The following PRKCZ variants were observed in gnomAD, a reference collection of about 807,000 sequenced individuals.
The protein encoded by PRKCZ is protein kinase C zeta type.
Under a neutral mutation model 79.5 loss-of-function variants are expected in PRKCZ, and 33 were observed. The observed-to-expected ratio is 0.41, with a 90% confidence interval of 0.31 to 0.55. PRKCZ has a LOEUF of 0.55. PRKCZ is among the 20% of genes least tolerant of loss of function. The probability of loss-of-function intolerance (pLI) is 0.19; values close to 1 mark genes in which losing one functional copy is unlikely to be tolerated. For missense variants in PRKCZ, 578 were observed against 813.5 expected (o/e 0.71, Z 3.52); for synonymous variants, 342 against 320.9 (o/e 1.07, Z -0.70).
intron 16 of PRKCZ, among the ~76,000 whole-genome samples, chr1:2,179,591 T>C (rs2460001): frequency 0.47 from 72,020 of 152,200 alleles, 18,224 homozygotes; most frequent in African/African-American, 0.67. Flanking sequence ...GTGTCCCACA[T>C]GGCCGGGCGG....
intron 4 of PRKCZ, among the ~76,000 whole-genome samples, chr1:2,063,926 A>G (rs904477959): frequency 1.2e-4 from 18 of 149,780 alleles, no homozygotes; most frequent in Admixed American, 1.0e-3. Flanking sequence ...GCTCACTGCA[A>G]TCTCCGCCTC....
chr1:2,053,321 G>C (rs908235744), intron 1 of PRKCZ, among the ~76,000 whole-genome samples: 2 of 152,104 alleles, frequency 1.3e-5, no homozygotes, highest in Non-Finnish European at 2.9e-5. Context: ...GGCTGGTCTC[G>C]AACTTCTGAC....
intron 10 of PRKCZ, among the ~76,000 whole-genome samples, chr1:2,163,123 T>TGTCCTATTCC (rs1380456125): frequency 1.3e-5 from 2 of 152,210 alleles, no homozygotes; most frequent in African/African-American, 2.4e-5. Context: ...TGGGGTGACG[T>TGTCCTATTCC]TGACACTGGA....
At chr1:2,090,943 G>A (rs17481997) in intron 4 of PRKCZ, among the ~76,000 whole-genome samples, 28,820 of 152,248 alleles carry the variant, frequency 0.19, 3,661 homozygotes, top group East Asian at 0.61. Context: ...TTGAACACAC[G>A]TCTTAAATAT....
At chr1:2,080,616 C>T (rs536601034) in intron 4 of PRKCZ, among the ~76,000 whole-genome samples, 8 of 152,318 alleles carry the variant, frequency 5.3e-5, no homozygotes, top group African/African-American at 1.9e-4. Context: ...AGAGCACAAG[C>T]ATTCCCTCCC....
At chr1:2,056,263 A>G (rs949383121) in intron 2 of PRKCZ, among the ~76,000 whole-genome samples, 6 of 152,078 alleles carry the variant, frequency 3.9e-5, no homozygotes, top group Non-Finnish European at 7.4e-5. Flanking sequence ...AGGTGTACTG[A>G]CTTCCCTTCC....
Position 2,165,887 on chromosome 1 carries a change from G to C in PRKCZ, c.975-3631G>C, listed in dbSNP as rs1376461313. Among the ~76,000 whole-genome samples the C allele has an allele frequency of 1.3e-5, 2 of 152,058 alleles. No homozygotes were observed. Among genetic ancestry groups the C allele is most frequent in the Admixed American group, 1.3e-4 (2 of 15,278 alleles). ...CAGGGCCCACCTCCTAGGAGGTTTT[G>C]TGAGCTTCCCTCAGCCCCCGGCCGC... is the stretch of plus-strand genomic sequence containing the variant. On this transcript the variant is annotated intron_variant, in intron 10 of 17. Transcript: ENST00000378567. The surrounding 1 kb of genome is among the most constrained non-coding windows in gnomAD (Gnocchi z 4.1).
chr1:2,159,243 A>T (rs929090654), intron 10 of PRKCZ, among the ~76,000 whole-genome samples: 1 of 152,274 alleles, frequency 6.6e-6, no homozygotes, highest in Non-Finnish European at 1.5e-5. Context: ...CAAAGCCAAC[A>T]TCGGCAAGGC....
At chr1:2,058,700 A>C (rs2102233214) in intron 3 of PRKCZ, among the ~76,000 whole-genome samples, 1 of 151,726 alleles carries the variant, frequency 6.6e-6, no homozygotes, top group East Asian at 2.0e-4. Flanking sequence ...GTTCAAGACC[A>C]GCCTGACCAA....
chr1:2,170,199 C>T (rs1684146178), intron 11 of PRKCZ, among the ~76,000 whole-genome samples: 1 of 152,308 alleles, frequency 6.6e-6, no homozygotes, highest in Admixed American at 6.5e-5. Context: ...GAGACTCCTT[C>T]CTGCCCTTCC....
At position 2,173,925 on chromosome 1, in the gene PRKCZ, A is replaced by G; in HGVS notation, c.1314A>G (p.Gly438=). The change falls in exon 14 of 18, where the codon GGA becomes GGG. Residue 438 remains glycine, a synonymous_variant. Transcript: ENST00000378567. This position sits in a 1 kb window ranked among gnomAD's most constrained non-coding sequence, Gnocchi z 5.7. Reference sequence around the variant, plus strand: ...TCAGCGTGGACTGGTGGGCGCTGGGAGTCCTCATGTTTGAGATGATGGCCG... The same window carrying G: ...TCAGCGTGGACTGGTGGGCGCTGGGGGTCCTCATGTTTGAGATGATGGCCG... ...YGFSVDWWAL[G]VLMFEMMAGR... 4 of 1,612,390 alleles carry G rather than the reference A, an allele frequency of 2.5e-6. No individual in the cohort carries two copies. The South Asian group carries it at 4.4e-5, about 18-fold the overall frequency.
intron 4 of PRKCZ, among the ~76,000 whole-genome samples, chr1:2,108,820 G>A (rs574963850): frequency 1.3e-5 from 2 of 152,218 alleles, no homozygotes; most frequent in Middle Eastern, 3.2e-3. Flanking sequence ...AAAGCAACAC[G>A]CATTTGTTAG....
chr1:2,154,055 T>C (rs1370716182), intron 9 of PRKCZ, among the ~76,000 whole-genome samples: 3 of 152,152 alleles, frequency 2.0e-5, no homozygotes, highest in African/African-American at 7.2e-5. Flanking sequence ...CTGAGTGATA[T>C]GTGGGTCATG....
At chr1:2,054,571 A>G (rs1424591891) in intron 1 of PRKCZ, among the ~76,000 whole-genome samples, 1 of 147,026 alleles carries the variant, frequency 6.8e-6, no homozygotes, top group Non-Finnish European at 1.5e-5. Context: ...ACTCGGTTTT[A>G]AAAAAAAAAA....
intron 10 of PRKCZ, among the ~76,000 whole-genome samples, chr1:2,167,924 A>G (rs1210433753): frequency 2.0e-5 from 3 of 152,136 alleles, no homozygotes; most frequent in African/African-American, 2.4e-5. Flanking sequence ...AGGGTTTTGA[A>G]TAAATTCTTT....
In PRKCZ at chr1:2,051,125, A is replaced by C. The variant is rs114223576; in HGVS notation, c.71+424A>C. 876 of 153,128 alleles carry C rather than the reference A, an allele frequency of 5.7e-3. 5 individuals carry two copies. Among genetic ancestry groups the C allele is most frequent in the African/African-American group, 0.02 (829 of 41,512 alleles). 9.5% of individuals were successfully genotyped at this position (153,128 alleles called of 1,614,324 possible). On this transcript the variant is annotated intron_variant, in intron 1 of 17. Coordinates refer to ENST00000378567, the MANE Select transcript of PRKCZ (RefSeq NM_002744.6). ...CGGTCGGGGGTCTCGCTTTAGCCAAAATCCGGAGACCCGGGGCGCGGGCGC... is the reference window on the plus strand; with the variant it reads ...CGGTCGGGGGTCTCGCTTTAGCCAACATCCGGAGACCCGGGGCGCGGGCGC...
At position 2,156,213 on chromosome 1, in the gene PRKCZ, G is replaced by A. The variant is rs145189028; in HGVS notation, c.974+121G>A. 1.1e-3 allele frequency: 992 copies of A among 866,880 alleles called. 6 individuals are homozygous for A. In the African/African-American group the frequency reaches 0.014, roughly 13 times the overall value. 53.7% of individuals were successfully genotyped at this position (866,880 alleles called of 1,614,324 possible). The stretch of plus-strand genomic sequence containing the variant: ...AGGTTCTCCCAGTTGCTGTACGGGT[G>A]TTTTCAGGCCAGCAGACTCTCTTTG... On this transcript the variant is annotated intron_variant, in intron 10 of 17. Transcript: ENST00000378567.
intron 4 of PRKCZ, among the ~76,000 whole-genome samples, chr1:2,088,709 A>G (rs1190098448): frequency 6.6e-6 from 1 of 152,182 alleles, no homozygotes; most frequent in Non-Finnish European, 1.5e-5. Flanking sequence ...ATGTGTGCAC[A>G]GCTCAGCTGC....
chr1:2,076,022 G>C (rs1662345933), intron 4 of PRKCZ, among the ~76,000 whole-genome samples: 1 of 152,246 alleles, frequency 6.6e-6, no homozygotes, highest in Admixed American at 6.5e-5. Flanking sequence ...CAAAATGTGG[G>C]GTAGCCATCC....
Sources: gnomAD v4.1 joint callset for allele counts (sites outside exome capture counted in the v4.1 genomes callset) on GRCh38, gnomAD v4.1.1 for gene constraint, Gnocchi (gnomAD v3.1) non-coding constraint, MANE v1.5 for transcripts, NCBI Gene and HGNC (gene_info 2026-07-23, HGNC 2026-07-21) for gene names.